IQCM: variants seen among roughly 807,000 people sequenced by gnomAD.
The protein encoded by IQCM is IQ domain-containing protein M.
IQCM carries 45 observed loss-of-function variants against 57.6 expected under a neutral mutation model. That is an observed-to-expected ratio of 0.78 (90% CI 0.62 to 1.00). The LOEUF (loss-of-function observed/expected upper bound fraction) is 1.00, where lower values mean the gene tolerates loss of function less well. Ranked by LOEUF, IQCM falls within the 50% of genes least tolerant of loss-of-function variation. IQCM has a pLI of 0.00. For missense variants in IQCM, 468 were observed against 511.6 expected (o/e 0.91, Z 0.82); for synonymous variants, 148 against 158.9 (o/e 0.93, Z 0.51).
At chr4:149,734,437 T>G (rs1221357659) in intron 4 of IQCM, among the ~76,000 whole-genome samples, 2 of 152,164 alleles carry the variant, frequency 1.3e-5, no homozygotes, top group African/African-American at 4.8e-5. Context: ...GAAAAATTAG[T>G]TAAGCAATGC....
chr4:149,426,664 G>A (rs1016892876), intron 13 of IQCM, among the ~76,000 whole-genome samples: 20 of 151,882 alleles, frequency 1.3e-4, no homozygotes, highest in African/African-American at 4.6e-4. Flanking sequence ...CATTTGTGTA[G>A]GCAGAAGGTC....
At chr4:149,425,625 C>T (rs1734414023) in intron 13 of IQCM, among the ~76,000 whole-genome samples, 1 of 151,908 alleles carries the variant, frequency 6.6e-6, no homozygotes, top group Admixed American at 6.6e-5. Context: ...AGATGATGAC[C>T]ACCTGCCTCA....
chr4:149,604,767 T>G (rs1043239491), intron 8 of IQCM, among the ~76,000 whole-genome samples: 2 of 152,188 alleles, frequency 1.3e-5, no homozygotes, highest in African/African-American at 4.8e-5. Context: ...TTGCCTTATT[T>G]GGCTGCCTTT....
intron 12 of IQCM, among the ~76,000 whole-genome samples, chr4:149,454,259 C>A (rs1442532137): frequency 1.3e-5 from 2 of 151,202 alleles, no homozygotes; most frequent in Non-Finnish European, 2.9e-5. Context: ...TATTTCTATA[C>A]ACACACTCCA....
chr4:149,624,884 C>G (rs1482654456), intron 7 of IQCM, among the ~76,000 whole-genome samples: 3 of 152,160 alleles, frequency 2.0e-5, no homozygotes, highest in African/African-American at 7.2e-5. Flanking sequence ...AAACCAAAGA[C>G]ATTACTGAGT....
chr4:149,623,077 T>C (rs923199800), intron 7 of IQCM, among the ~76,000 whole-genome samples: 1 of 152,122 alleles, frequency 6.6e-6, no homozygotes, highest in South Asian at 2.1e-4. Context: ...GATAAATATA[T>C]TAACTACCCT....
intron 13 of IQCM, among the ~76,000 whole-genome samples, chr4:149,418,653 C>G (rs1298489649): frequency 6.6e-6 from 1 of 151,974 alleles, no homozygotes; most frequent in African/African-American, 2.4e-5. Flanking sequence ...AAACTTCAGG[C>G]CAATATCTCT....
At chr4:149,379,803 G>A (rs1043159644) in intron 13 of IQCM, among the ~76,000 whole-genome samples, 1 of 152,110 alleles carries the variant, frequency 6.6e-6, no homozygotes, top group Non-Finnish European at 1.5e-5. Flanking sequence ...ATGAGATTTG[G>A]AAGGGGCCAA....
intron 13 of IQCM, among the ~76,000 whole-genome samples, chr4:149,356,562 C>T (rs183495984): frequency 0.18 from 27,309 of 151,602 alleles, 2,877 homozygotes; most frequent in Non-Finnish European, 0.25. Context: ...TGTAGATATG[C>T]GGCATTATTT....
chr4:149,678,513 T>A (rs1431054811), intron 7 of IQCM, among the ~76,000 whole-genome samples: 1 of 151,734 alleles, frequency 6.6e-6, no homozygotes, highest in African/African-American at 2.4e-5. Context: ...ACAATACCCA[T>A]CTTACAATAC....
chr4:149,769,242 G>T (rs1053148105), intron 2 of IQCM, among the ~76,000 whole-genome samples: 1 of 151,940 alleles, frequency 6.6e-6, no homozygotes, highest in Non-Finnish European at 1.5e-5. Context: ...ATGAATTCAA[G>T]TCCTCCTGAA....
intron 12 of IQCM, among the ~76,000 whole-genome samples, chr4:149,468,975 T>G (rs939998556): frequency 1.3e-5 from 2 of 152,040 alleles, no homozygotes; most frequent in African/African-American, 2.4e-5. Context: ...CATCTGTACG[T>G]CACCATCATC....
intron 2 of IQCM, among the ~76,000 whole-genome samples, chr4:149,787,787 G>T (rs1772206493): frequency 1.3e-5 from 2 of 152,122 alleles, no homozygotes; most frequent in South Asian, 2.1e-4. Flanking sequence ...TGATTTTATG[G>T]CTAAGACCTC....
At chr4:149,608,402 T>C (rs970986319) in intron 8 of IQCM, among the ~76,000 whole-genome samples, 2 of 151,902 alleles carry the variant, frequency 1.3e-5, no homozygotes, top group African/African-American at 4.8e-5. Context: ...ATCTTCACTA[T>C]AGACCAAATG....
At chr4:149,667,900 A>T (rs1760881272) in intron 7 of IQCM, among the ~76,000 whole-genome samples, 2 of 152,048 alleles carry the variant, frequency 1.3e-5, no homozygotes, top group South Asian at 4.1e-4. Flanking sequence ...AGGAACAAAA[A>T]AAGCTTCCAA....
At chr4:149,796,622 T>G (rs1773140946) in intron 2 of IQCM, among the ~76,000 whole-genome samples, 1 of 152,126 alleles carries the variant, frequency 6.6e-6, no homozygotes, top group Middle Eastern at 3.2e-3. Flanking sequence ...CAGCCTTTTG[T>G]TGGCTTCAGG....
chr4:149,507,260 T>G (rs1203436145), intron 12 of IQCM, among the ~76,000 whole-genome samples: 2 of 152,034 alleles, frequency 1.3e-5, no homozygotes, highest in Non-Finnish European at 2.9e-5. Flanking sequence ...AACAGCAGAG[T>G]GAGGCGCTGC....
intron 13 of IQCM, among the ~76,000 whole-genome samples, chr4:149,418,452 C>T (rs1018237799): frequency 6.6e-6 from 1 of 151,968 alleles, no homozygotes; most frequent in African/African-American, 2.4e-5. Context: ...TAATAAATAG[C>T]CTACCAAGGA....
chr4:149,474,999 G>T (rs929432720), intron 12 of IQCM, among the ~76,000 whole-genome samples: 2 of 152,140 alleles, frequency 1.3e-5, no homozygotes, highest in Admixed American at 1.3e-4. Context: ...CATTGAAAAG[G>T]TTTGATCCTT....
Sources: allele counts gnomAD v4.1 joint callset (sites outside exome capture counted in the v4.1 genomes callset), GRCh38; gene constraint gnomAD v4.1.1; transcripts MANE v1.5; gene names NCBI Gene and HGNC (gene_info 2026-07-23, HGNC 2026-07-21).